The following ETS1 variants were observed in gnomAD, a reference collection of about 807,000 sequenced individuals.
ETS1 encodes the protein ETS proto-oncogene 1, transcription factor, also known as protein C-ets-1.
ETS1 carries 15 observed loss-of-function variants against 58.6 expected under a neutral mutation model. That is an observed-to-expected ratio of 0.26 (90% CI 0.17 to 0.39). The LOEUF (loss-of-function observed/expected upper bound fraction) is 0.39. ETS1 is among the 10% of genes least tolerant of loss of function. The probability of loss-of-function intolerance (pLI) is 1.00; values close to 1 mark genes in which losing one functional copy is unlikely to be tolerated. For synonymous variants in ETS1, 214 were observed against 218.2 expected, an observed-to-expected ratio of 0.98 and a Z score of 0.17; for missense variants, 417 against 610.5, an observed-to-expected ratio of 0.68 and a Z score of 3.34.
chr11:128,472,677 C>A (rs1036775477), intron 8 of ETS1, among the ~76,000 whole-genome samples: 1 of 152,164 alleles, frequency 6.6e-6, no homozygotes, highest in Non-Finnish European at 1.5e-5. Context: ...TGCAGGTCCA[C>A]CCCTGTGAGA....
intron 3 of ETS1, among the ~76,000 whole-genome samples, chr11:128,517,017 C>T (rs1358526423): frequency 1.3e-5 from 2 of 152,178 alleles, no homozygotes; most frequent in African/African-American, 4.8e-5. Flanking sequence ...ATATGGAAGA[C>T]GTTGCAAAAA....
At chr11:128,564,293 A>G (rs1208960914) in intron 2 of ETS1, among the ~76,000 whole-genome samples, 1 of 152,206 alleles carries the variant, frequency 6.6e-6, no homozygotes, top group African/African-American at 2.4e-5. Context: ...GGGCAATTTA[A>G]TTTTAGACTC....
chr11:128,512,656 G>A (rs1281531822), intron 3 of ETS1, among the ~76,000 whole-genome samples: 2 of 152,242 alleles, frequency 1.3e-5, no homozygotes, highest in Non-Finnish European at 2.9e-5. Context: ...TCAGCCGGTG[G>A]CCACCTAGAC....
At chr11:128,566,695 A>G (rs1864507229) in intron 2 of ETS1, among the ~76,000 whole-genome samples, 1 of 151,792 alleles carries the variant, frequency 6.6e-6, no homozygotes, top group African/African-American at 2.4e-5. Context: ...AGGCAGGAGA[A>G]TGGCGTGAAT....
intron 3 of ETS1, chr11:128,526,116 A>G (rs1200579521): frequency 6.6e-6 from 1 of 151,208 alleles, no homozygotes; most frequent in Non-Finnish European, 1.5e-5. Flanking sequence ...AAGGCACAAT[A>G]AACAATGAGG....
At chr11:128,502,026 A>AG (rs1491511597) in intron 3 of ETS1, among the ~76,000 whole-genome samples, 10 of 152,178 alleles carry the variant, frequency 6.6e-5, no homozygotes, top group Non-Finnish European at 1.5e-4. Flanking sequence ...AGAGAGAGAG[A>AG]AAGAGAGCTG....
At chr11:128,529,467 G>T (rs1253105959) in intron 3 of ETS1, among the ~76,000 whole-genome samples, 1 of 152,164 alleles carries the variant, frequency 6.6e-6, no homozygotes, top group African/African-American at 2.4e-5. Context: ...TTTTGTCGAA[G>T]TAGAGTATTG....
intron 3 of ETS1, among the ~76,000 whole-genome samples, chr11:128,520,544 C>T (rs1164564986): frequency 6.6e-6 from 1 of 152,188 alleles, no homozygotes; most frequent in Non-Finnish European, 1.5e-5. Context: ...TTCCTCGAAC[C>T]CCCAAACACA....
At chr11:128,521,910 CA>C in intron 3 of ETS1, 1 of 1,596,608 alleles carries the variant, frequency 6.3e-7, no homozygotes, top group Non-Finnish European at 8.5e-7. Flanking sequence ...CGTCGCCACT[CA>C]CCCGGGGAGG....
intron 3 of ETS1, among the ~76,000 whole-genome samples, chr11:128,520,478 A>G (rs1423506093): frequency 1.3e-5 from 2 of 152,228 alleles, no homozygotes; most frequent in Admixed American, 6.5e-5. Context: ...GATGTGAACT[A>G]TCTTTTCACT....
intron 7 of ETS1, among the ~76,000 whole-genome samples, chr11:128,481,047 T>A (rs2135442807): frequency 6.6e-6 from 1 of 152,358 alleles, no homozygotes; most frequent in African/African-American, 2.4e-5. Context: ...GAAATACATG[T>A]ACTGACCCTA....
intron 8 of ETS1, among the ~76,000 whole-genome samples, chr11:128,467,166 C>T (rs370034898): frequency 5.9e-5 from 9 of 152,146 alleles, no homozygotes; most frequent in African/African-American, 1.7e-4. Context: ...CCAGGGTGGG[C>T]GCAGTTCCTG....
At position 128,586,487 on chromosome 11, in the gene ETS1, G is replaced by T. The variant is rs112674080; in HGVS notation, c.-15+1001C>A. ...AACCACAACTGATGAAAGAGTTATAGTATCAGTAATTTTACAAATCAAATG... is the reference window on the plus strand; with the variant it reads ...AACCACAACTGATGAAAGAGTTATATTATCAGTAATTTTACAAATCAAATG... On this transcript the variant is annotated intron_variant, in intron 1 of 9. Coordinates refer to ENST00000392668, the MANE Select transcript of ETS1 (RefSeq NM_001143820.2). Among the ~76,000 whole-genome samples, 623 of 152,312 alleles carry T rather than the reference G, an allele frequency of 4.1e-3. 6 individuals carry two copies. The highest frequency in any genetic ancestry group is 0.013 in the African/African-American group (561 of 41,570).
intron 3 of ETS1, chr11:128,522,262 G>A: frequency 1.7e-6 from 2 of 1,155,296 alleles, no homozygotes; most frequent in East Asian, 4.6e-5. Flanking sequence ...CCCGGCCCTC[G>A]CCCGCTCCCT....
chr11:128,516,576 A>G (rs575118490), intron 3 of ETS1, among the ~76,000 whole-genome samples: 1 of 152,284 alleles, frequency 6.6e-6, no homozygotes, highest in African/African-American at 2.4e-5. Flanking sequence ...CAATGCCTTA[A>G]CCTTAAACAA....
intron 3 of ETS1, among the ~76,000 whole-genome samples, chr11:128,522,790 T>G (rs889285040): frequency 2.0e-5 from 3 of 152,224 alleles, no homozygotes; most frequent in African/African-American, 2.4e-5. Context: ...ACACAGGACG[T>G]GAGGCATGTG....
chr11:128,518,497 G>C (rs1218933180), intron 3 of ETS1, among the ~76,000 whole-genome samples: 2 of 152,188 alleles, frequency 1.3e-5, no homozygotes, highest in Non-Finnish European at 2.9e-5. Flanking sequence ...GAAGTAGAAT[G>C]ATTGTACTCA....
At chr11:128,475,907 G>A (rs574017404) in intron 8 of ETS1, among the ~76,000 whole-genome samples, 1 of 120,136 alleles carries the variant, frequency 8.3e-6, no homozygotes, top group South Asian at 2.6e-4. Context: ...TGTGTGTGAT[G>A]TCTCACACAC....
chr11:128,585,194 GA>G (rs1864998333), intron 1 of ETS1, among the ~76,000 whole-genome samples: 1 of 23,698 alleles, frequency 4.2e-5, no homozygotes, highest in South Asian at 1.5e-3. Context: ...AAGAAGGAAG[GA>G]AAGAAAGAAA....
Sources: gnomAD v4.1 joint callset for allele counts (sites outside exome capture counted in the v4.1 genomes callset) on GRCh38, gnomAD v4.1.1 for gene constraint, MANE v1.5 for transcripts, NCBI Gene and HGNC (gene_info 2026-07-23, HGNC 2026-07-21) for gene names.